The following MLXIPL variants were observed in gnomAD, a reference collection of about 807,000 sequenced individuals.
The protein encoded by MLXIPL is carbohydrate-responsive element-binding protein.
MLXIPL carries 49 observed loss-of-function variants against 81.5 expected under a neutral mutation model. The ratio of observed to expected loss-of-function variants is 0.60; its 90% CI spans 0.48 to 0.76. MLXIPL has a LOEUF of 0.76. MLXIPL is among the 30% of genes least tolerant of loss of function. MLXIPL has a pLI of 0.00. For missense variants in MLXIPL, 1,053 were observed against 1,167.0 expected (o/e 0.90, Z 1.42); for synonymous variants, 466 against 485.5 (o/e 0.96, Z 0.53).
the MLXIPL span, among the ~76,000 whole-genome samples, chr7:73,642,767 A>C: frequency 6.6e-6 from 1 of 152,182 alleles, no homozygotes; most frequent in Non-Finnish European, 1.5e-5. Flanking sequence ...GAGTCCTGGG[A>C]TTATAGGCGT....
At chr7:73,635,800 AT>A in the MLXIPL span, among the ~76,000 whole-genome samples, 1 of 152,080 alleles carries the variant, frequency 6.6e-6, no homozygotes, top group African/African-American at 2.4e-5. Context: ...CGTTCCATGT[AT>A]ACACCTACCT....
the MLXIPL span, among the ~76,000 whole-genome samples, chr7:73,631,175 A>AT: frequency 4.0e-5 from 6 of 151,500 alleles, no homozygotes; most frequent in South Asian, 2.1e-4. Context: ...CGCCCAGCTA[A>AT]TTTTTTTTGT....
In MLXIPL at chr7:73,599,562, C is replaced by T. The variant is rs868955077; in HGVS notation, c.1035G>A (p.Ser345=). ...TLGPEVPPAS[S]AMTHLSGHSR... Reference sequence around the variant, plus strand: ...TGTGTCCAGAGAGGTGGGTCATGGCCGAGGAAGCCGGGGGCACCTCTGGGC... The same window carrying T: ...TGTGTCCAGAGAGGTGGGTCATGGCTGAGGAAGCCGGGGGCACCTCTGGGC... The change falls in exon 8 of 17, where the codon TCG becomes TCA. Residue 345 remains serine (S), a synonymous_variant. Transcript: ENST00000313375. 1.1e-5 allele frequency: 17 copies of T among 1,612,978 alleles called. No individual in the cohort carries two copies. In the African/African-American group the frequency reaches 1.1e-4, roughly 10 times the overall value.
the MLXIPL span, among the ~76,000 whole-genome samples, chr7:73,647,868 C>G: frequency 6.6e-6 from 1 of 150,808 alleles, no homozygotes; most frequent in Non-Finnish European, 1.5e-5. Context: ...ACCGCCGGAC[C>G]GCGCCCGGCG....
At chr7:73,614,880 A>G (rs113958095) in intron 2 of MLXIPL, among the ~76,000 whole-genome samples, 3,725 of 140,966 alleles carry the variant, frequency 0.026, 192 homozygotes, top group African/African-American at 0.095. Flanking sequence ...GCGCGATCTC[A>G]GCTCACTGCA....
Position 73,593,963 on chromosome 7 carries a change from G to C in MLXIPL, c.2461C>G (p.Gln821Glu). 6.2e-7 allele frequency: 1 copy of C among 1,614,100 alleles called. No homozygotes were observed. Among genetic ancestry groups the C allele is most frequent in the Middle Eastern group, 1.6e-4 (1 of 6,062 alleles). ...LRPTVLNSLR[Q>E]LGTSTSILTD... ...AGGATACTGGTAGATGTGCCCAGCT[G>C]GCGTAGGGAGTTCAGGACAGCTGGG... The change falls in exon 17 of 17, where the codon CAG becomes GAG. Residue 821 changes from glutamine (Q) to glutamate (E), a missense_variant. Physicochemically the swap from Gln to Glu is conservative, Grantham distance 29. This residue lies in a region of MLXIPL where 823 missense variants were observed against 933.0 expected (regional missense o/e 0.88). Coordinates refer to ENST00000313375, the MANE Select transcript of MLXIPL (RefSeq NM_032951.3).
chr7:73,625,710 G>A (rs1264426753), upstream of MLXIPL, among the ~76,000 whole-genome samples: 4 of 152,138 alleles, frequency 2.6e-5, no homozygotes, highest in African/African-American at 9.7e-5. Context: ...GCAGTGAGCC[G>A]AGATCGCGCC....
chr7:73,594,430 T>C, intron 15 of MLXIPL, 27 bp from the exon 16 acceptor site: 2 of 1,599,316 alleles, frequency 1.3e-6, no homozygotes, highest in African/African-American at 1.3e-5. Context: ...GAGCTGCCTG[T>C]GGTCCAGCTG....
rs571051674 is a variant in MLXIPL at position 73,615,862 on chromosome 7, G to A, written c.400+209C>T. On this transcript the variant is annotated intron_variant, in intron 2 of 16. Coordinates refer to ENST00000313375, the MANE Select transcript of MLXIPL (RefSeq NM_032951.3). ...TGGGAGGCGGAAGTTGCAGTGAGCC[G>A]AGATGGCACCACTGCACTCCAGCTT... Among the ~76,000 whole-genome samples, 4 of 148,706 alleles carry A rather than the reference G, an allele frequency of 2.7e-5. No individual in the cohort carries two copies. The South Asian group carries it at 6.4e-4, about 24-fold the overall frequency.
chr7:73,624,847 C>CGGG (rs1796640267), upstream of MLXIPL, among the ~76,000 whole-genome samples: 2 of 152,128 alleles, frequency 1.3e-5, no homozygotes, highest in African/African-American at 4.8e-5. Context: ...GGCTTGAGGT[C>CGGG]AGGAGTTCGA....
Position 73,606,982 on chromosome 7 carries a change from G to A in MLXIPL, c.610C>T (p.Pro204Ser), listed in dbSNP as rs1795332573. The A allele has an allele frequency of 6.2e-7, 1 of 1,613,794 alleles. No homozygotes were observed. The highest frequency in any genetic ancestry group is 2.2e-5 in the East Asian group (1 of 44,872). ...ACTTACAGAGCACCCACCTGCTTAG[G>A]GGCCAGGAGGTCATCTTCCCTGCTG... Reference protein sequence around the residue: ...KPSREDDLLAPKQAEGRWPPP... With the variant: ...KPSREDDLLASKQAEGRWPPP... The change falls in exon 5 of 17, where the codon CCT (proline) becomes TCT (serine). Residue 204 changes from proline (P) to serine (S), a missense_variant. This residue lies in a region of MLXIPL where 823 missense variants were observed against 933.0 expected (regional missense o/e 0.88). Coordinates refer to ENST00000313375, the MANE Select transcript of MLXIPL (RefSeq NM_032951.3).
rs781861114 is a variant in MLXIPL at position 73,605,915 on chromosome 7, T to G, written c.815A>C (p.Glu272Ala). 12 of 1,583,650 alleles carry G rather than the reference T, an allele frequency of 7.6e-6. No individual in the cohort carries two copies. The South Asian group carries it at 1.4e-4, about 18-fold the overall frequency. ...SGPSPLQLPP[E>A]DAYVGNADMI... ...GCCCTTTCTCAGACCCTCACCATCC[T>G]CAGGCGGCAGCTGCAGGGGCGAAGG... The change falls in exon 6 of 17, where the codon GAG (glutamate) becomes GCG (alanine). Residue 272 changes from glutamate (E) to alanine (A), a missense_variant. By Grantham distance (107) the Glu-to-Ala change is moderately radical (BLOSUM62 -1). Around this residue, in one of 3 missense-constraint regions of MLXIPL, gnomAD observed 823 missense variants for 933.0 expected, o/e 0.88. Transcript: ENST00000313375.
intron 7 of MLXIPL, among the ~76,000 whole-genome samples, chr7:73,605,375 A>G (rs181508073): frequency 6.6e-5 from 10 of 152,012 alleles, no homozygotes; most frequent in African/African-American, 2.4e-4. Flanking sequence ...TCTGGGCAAC[A>G]TGGTGAAACC....
Position 73,605,729 on chromosome 7 carries a change from G to T in MLXIPL, c.860C>A (p.Thr287Lys), listed in dbSNP as rs375149591. 1 of 1,613,724 alleles carries T rather than the reference G, an allele frequency of 6.2e-7. No homozygotes were observed. The highest frequency in any genetic ancestry group is 8.5e-7 in the Non-Finnish European group (1 of 1,179,888). Residue 287 changes from threonine (T) to lysine (K), a missense_variant, in exon 7 of 17, where the codon ACG becomes AAG. Around this residue, in one of 3 missense-constraint regions of MLXIPL, gnomAD observed 823 missense variants for 933.0 expected, o/e 0.88. Coordinates refer to ENST00000313375, the MANE Select transcript of MLXIPL (RefSeq NM_032951.3). ...GNADMIQPDL[T>K]PLQPSLDDFM... ...GTCATCCAGGCTTGGCTGCAGTGGC[G>T]TCAGGTCCGGCTGGATCATGTCAGC...
rs1794645643 is a variant in MLXIPL, at chr7:73,599,845, T to C, written c.902-150A>G. On this transcript the variant is annotated intron_variant, in intron 7 of 16. Transcript: ENST00000313375. Reference sequence around the variant, plus strand: ...TGGGGGTCCCTTCCACAGAAGATTGTGAAACTGGGAGGGTTTCTGTCTCGA... The same window carrying C: ...TGGGGGTCCCTTCCACAGAAGATTGCGAAACTGGGAGGGTTTCTGTCTCGA... The C allele has an allele frequency of 2.7e-6, 2 of 734,046 alleles. 1 individual carries two copies. Among genetic ancestry groups the C allele is most frequent in the South Asian group, 3.6e-5 (2 of 55,118 alleles). 45.5% of individuals were successfully genotyped at this position (734,046 alleles called of 1,614,324 possible).
At chr7:73,616,265 C>A (rs2116459199) in intron 1 of MLXIPL, 88 bp from the exon 2 acceptor site, 1 of 1,200,946 alleles carries the variant, frequency 8.3e-7, no homozygotes, top group East Asian at 2.3e-5. Flanking sequence ...AGGCATCCAT[C>A]TATGGTTGGC....
At chr7:73,634,910 G>T in the MLXIPL span, among the ~76,000 whole-genome samples, 1 of 150,876 alleles carries the variant, frequency 6.6e-6, no homozygotes, top group South Asian at 2.1e-4. Context: ...CTACCTCCTG[G>T]GTTCAAACGA....
intron 1 of MLXIPL, among the ~76,000 whole-genome samples, chr7:73,622,342 A>G (rs1554602439): frequency 6.6e-6 from 1 of 151,946 alleles, no homozygotes; most frequent in Non-Finnish European, 1.5e-5. Flanking sequence ...AATACAAAAA[A>G]TTAGCTGGAG....
At chr7:73,624,829 G>A (rs1554603376), upstream of MLXIPL, among the ~76,000 whole-genome samples, 1 of 152,152 alleles carries the variant, frequency 6.6e-6, no homozygotes, top group East Asian at 1.9e-4. Context: ...AGGCCAAGGC[G>A]GGAGGATGGC....
Sources: allele counts gnomAD v4.1 joint callset (sites outside exome capture counted in the v4.1 genomes callset), GRCh38; gene constraint gnomAD v4.1.1; regional missense constraint gnomAD v4.1.1; transcripts MANE v1.5; gene names NCBI Gene and HGNC (gene_info 2026-07-23, HGNC 2026-07-21).